ARHGAP18: variants seen among roughly 807,000 people sequenced by gnomAD.
ARHGAP18 encodes the protein Rho GTPase activating protein 18, also known as rho GTPase-activating protein 18.
In ARHGAP18, 67 loss-of-function variants were observed where a neutral mutation model predicts 86.2. The observed-to-expected ratio is 0.78, with a 90% confidence interval of 0.64 to 0.95. ARHGAP18 has a LOEUF of 0.95. ARHGAP18 is among the 40% of genes least tolerant of loss of function. The probability of loss-of-function intolerance (pLI) is 0.00; values close to 1 mark genes in which losing one functional copy is unlikely to be tolerated. For missense variants in ARHGAP18, 691 were observed against 780.4 expected (o/e 0.89, Z 1.37); for synonymous variants, 283 against 280.4 (o/e 1.01, Z -0.09).
At chr6:129,613,066 T>C (rs1258034151) in intron 7 of ARHGAP18, among the ~76,000 whole-genome samples, 1 of 151,890 alleles carries the variant, frequency 6.6e-6, no homozygotes, top group Non-Finnish European at 1.5e-5. Context: ...ACCCCGTCTC[T>C]ACTAAAAATA....
At chr6:129,629,225 G>C in intron 5 of ARHGAP18, 128 bp downstream of exon 5, 1 of 826,676 alleles carries the variant, frequency 1.2e-6, no homozygotes, top group African/African-American at 1.8e-5. Context: ...CTTTCTCTCT[G>C]TCTGTCTGTC....
rs764954361 is a variant in ARHGAP18, at chr6:129,616,246, A to G, written c.1010T>C (p.Val337Ala). 10 of 1,611,668 alleles carry G rather than the reference A, an allele frequency of 6.2e-6. No homozygotes were observed. In the African/African-American group the frequency reaches 1.1e-4, roughly 17 times the overall value. ...TALLEQDQRK[V>A]PGMRIPLIFQ... The stretch of plus-strand genomic sequence containing the variant: ...GATCAAGGGTATTCGCATTCCTGGT[A>G]CTTTCCTCTGATCTTGTTCTAATAG... Residue 337 changes from valine to alanine, a missense_variant, in exon 7 of 15, where the codon GTA becomes GCA. Coordinates refer to ENST00000368149, the MANE Select transcript of ARHGAP18 (RefSeq NM_033515.3).
At chr6:129,667,951 A>G (rs1774072635) in intron 1 of ARHGAP18, among the ~76,000 whole-genome samples, 1 of 152,214 alleles carries the variant, frequency 6.6e-6, no homozygotes, top group African/African-American at 2.4e-5. Context: ...AAGGAAAGAC[A>G]TGCACATCTA....
intron 7 of ARHGAP18, among the ~76,000 whole-genome samples, chr6:129,612,145 C>T (rs997734366): frequency 4.6e-5 from 7 of 152,128 alleles, no homozygotes; most frequent in South Asian, 2.1e-4. Flanking sequence ...CCAATGAATA[C>T]GCTGATCTAA....
intron 1 of ARHGAP18, among the ~76,000 whole-genome samples, chr6:129,668,298 C>G (rs909731393): frequency 6.6e-6 from 1 of 151,202 alleles, no homozygotes; most frequent in African/African-American, 2.4e-5. Flanking sequence ...GCATGGAGCA[C>G]ATGTGCAATA....
intron 10 of ARHGAP18, among the ~76,000 whole-genome samples, chr6:129,603,666 A>G (rs1356164211): frequency 1.3e-5 from 2 of 152,348 alleles, no homozygotes; most frequent in Middle Eastern, 3.4e-3. Flanking sequence ...AAAAAGATAA[A>G]TGTCAAGAAT....
At chr6:129,612,852 T>C (rs979925598) in intron 7 of ARHGAP18, among the ~76,000 whole-genome samples, 2 of 152,172 alleles carry the variant, frequency 1.3e-5, no homozygotes, top group Admixed American at 1.3e-4. Context: ...GAACTAAGCA[T>C]AGCAGTCTCA....
chr6:129,649,542 GTC>G (rs1351692350), intron 1 of ARHGAP18, among the ~76,000 whole-genome samples: 1 of 110,014 alleles, frequency 9.1e-6, no homozygotes, highest in African/African-American at 3.7e-5. Flanking sequence ...AACAGAGCAA[GTC>G]TCTGTCTCCA....
chr6:129,635,956 A>T (rs1396505074), intron 3 of ARHGAP18, among the ~76,000 whole-genome samples: 1 of 152,252 alleles, frequency 6.6e-6, no homozygotes, highest in African/African-American at 2.4e-5. Context: ...TCTAGCACCA[A>T]GTAGCAACAT....
intron 14 of ARHGAP18, among the ~76,000 whole-genome samples, 182 bp downstream of exon 14, chr6:129,579,888 C>T (rs1009350144): frequency 3.9e-5 from 6 of 152,234 alleles, no homozygotes; most frequent in Admixed American, 2.6e-4. Flanking sequence ...TTTGTACAGG[C>T]GCTCAAACAG....
At chr6:129,686,978 C>CTTTTTTTTTTTTTTTTTT (rs71028176) in intron 1 of ARHGAP18, among the ~76,000 whole-genome samples, 2 of 106,940 alleles carry the variant, frequency 1.9e-5, no homozygotes, top group African/African-American at 3.4e-5. Context: ...TTTTTTTTTT[C>CTTTTTTTTTTTTTTTTTT]TTTTTTTTTT....
chr6:129,660,411 A>C (rs934968532), intron 1 of ARHGAP18, among the ~76,000 whole-genome samples: 1 of 152,220 alleles, frequency 6.6e-6, no homozygotes, highest in Non-Finnish European at 1.5e-5. Flanking sequence ...TAGATGAAGG[A>C]AACAGAAGAA....
At position 129,577,743 on chromosome 6, in the gene ARHGAP18, G is replaced by A. The variant is rs562076398; in HGVS notation, c.*770C>T. ...AGTACAGTAGACAGAAAGTGCTTTG[G>A]CTTTCACTCTCTTGTTATCCATAAT... On this transcript the variant is annotated 3_prime_UTR_variant, in exon 15 of 15. Coordinates refer to ENST00000368149, the MANE Select transcript of ARHGAP18 (RefSeq NM_033515.3). 43 of 152,198 alleles carry A rather than the reference G, an allele frequency of 2.8e-4. No individual in the cohort carries two copies. Among genetic ancestry groups the A allele is most frequent in the African/African-American group, 9.4e-4 (39 of 41,538 alleles). 9.4% of individuals were successfully genotyped at this position (152,198 alleles called of 1,614,324 possible).
intron 4 of ARHGAP18, among the ~76,000 whole-genome samples, chr6:129,632,091 T>C (rs1205310396): frequency 1.3e-5 from 2 of 152,184 alleles, no homozygotes; most frequent in African/African-American, 2.4e-5. Context: ...CAAATTTTAA[T>C]CAGAAACAGC....
Position 129,615,881 on chromosome 6 carries a change from G to A in ARHGAP18, c.1044+331C>T, listed in dbSNP as rs143735542. ...AAGCTGAGGAAATATACACAGGCAT[G>A]AAATATTCATGAGGATGCAATTCCC... On this transcript the variant is annotated intron_variant, in intron 7 of 14. Transcript: ENST00000368149. Among the ~76,000 whole-genome samples, 7 of 152,298 alleles carry A rather than the reference G, an allele frequency of 4.6e-5. No homozygotes were observed. In the East Asian group the frequency reaches 1.3e-3, roughly 29 times the overall value.
chr6:129,608,720 G>A (rs1788912262), intron 8 of ARHGAP18, among the ~76,000 whole-genome samples: 1 of 152,144 alleles, frequency 6.6e-6, no homozygotes, highest in African/African-American at 2.4e-5. Context: ...AATCAATTGA[G>A]TTTTGTAATT....
chr6:129,658,550 T>C lies in ARHGAP18; in HGVS notation c.114-16532A>G, dbSNP rs562687643. On this transcript the variant is annotated intron_variant, in intron 1 of 14. Transcript: ENST00000368149. Reference sequence around the variant, plus strand: ...AATCAGCAAAATTAGTGAGAAACTGTGTGGACATCAGGGTTGAGGATGCAG... The same window carrying C: ...AATCAGCAAAATTAGTGAGAAACTGCGTGGACATCAGGGTTGAGGATGCAG... 9.5e-4 allele frequency among the ~76,000 whole-genome samples: 145 copies of C among 152,262 alleles called. 1 individual carries two copies. Among genetic ancestry groups the C allele is most frequent in the Non-Finnish European group, 1.8e-4 (12 of 68,014 alleles).
chr6:129,615,375 T>C (rs1789074686), intron 7 of ARHGAP18, among the ~76,000 whole-genome samples: 1 of 152,094 alleles, frequency 6.6e-6, no homozygotes, highest in Admixed American at 6.5e-5. Context: ...AATGTAGTGG[T>C]AGATATGAGG....
At chr6:129,701,439 C>T (rs1774709074) in intron 1 of ARHGAP18, among the ~76,000 whole-genome samples, 1 of 152,132 alleles carries the variant, frequency 6.6e-6, no homozygotes, top group Non-Finnish European at 1.5e-5. Context: ...ATGGCCTGTT[C>T]AAAAAGATTA....
Sources: allele counts gnomAD v4.1 joint callset (sites outside exome capture counted in the v4.1 genomes callset), GRCh38; gene constraint gnomAD v4.1.1; transcripts MANE v1.5; gene names NCBI Gene and HGNC (gene_info 2026-07-23, HGNC 2026-07-21).